The following GTF2E1 variants were observed in gnomAD, a reference collection of about 807,000 sequenced individuals.
The protein encoded by GTF2E1 is TFIIE alpha subunit.
GTF2E1 carries 14 observed loss-of-function variants against 34.9 expected under a neutral mutation model. The observed-to-expected ratio is 0.40, with a 90% CI of 0.27 to 0.63. GTF2E1 has a LOEUF of 0.63. GTF2E1 is among the 20% of genes least tolerant of loss of function. GTF2E1 has a pLI of 0.39. For missense variants in GTF2E1, 469 were observed against 557.7 expected (o/e 0.84, Z 1.60); for synonymous variants, 188 against 192.9 (o/e 0.97, Z 0.21).
chr3:120,767,726 GTAA>G (rs1287801853), intron 2 of GTF2E1, among the ~76,000 whole-genome samples: 1 of 152,138 alleles, frequency 6.6e-6, no homozygotes, highest in Non-Finnish European at 1.5e-5. Context: ...ACAGTTCTTA[GTAA>G]TAATGTTAAA....
Position 120,781,629 on chromosome 3 carries a change from G to GA in GTF2E1, c.*162dup. The stretch of plus-strand genomic sequence containing the variant: ...GGTAGAGAGTTTGACTTTTATGCCA[G>GA]AAACTTTCCCAGCAAGGTAGGGTGC... On this transcript the variant is annotated 3_prime_UTR_variant, in exon 5 of 5. Coordinates refer to ENST00000283875, the MANE Select transcript of GTF2E1 (RefSeq NM_005513.3). The GA allele has an allele frequency of 1.6e-6, 1 of 618,874 alleles. No individual in the cohort carries two copies. The allele number at this position is 618,874 out of a possible 1,614,324, so 38.3% of individuals were successfully genotyped here. A position where few individuals can be genotyped will look rare whatever the true frequency, so the allele number is the denominator to read the frequency against.
intron 4 of GTF2E1, among the ~76,000 whole-genome samples, chr3:120,777,756 C>T (rs749509370): frequency 1.4e-4 from 21 of 152,180 alleles, no homozygotes; most frequent in Non-Finnish European, 2.4e-4. Context: ...GACGGAGTCT[C>T]GCTCTGTTGC....
At chr3:120,757,061 AT>A (rs1709215925) in intron 2 of GTF2E1, among the ~76,000 whole-genome samples, 1 of 152,164 alleles carries the variant, frequency 6.6e-6, no homozygotes, top group Admixed American at 6.5e-5. Context: ...TTTTGATACA[AT>A]ATTCTATTCT....
chr3:120,770,348 C>T (rs1351184220), intron 2 of GTF2E1, among the ~76,000 whole-genome samples: 2 of 152,180 alleles, frequency 1.3e-5, no homozygotes, highest in South Asian at 2.1e-4. Flanking sequence ...TTCCCCATAA[C>T]GTAGGCCCAA....
intron 1 of GTF2E1, among the ~76,000 whole-genome samples, chr3:120,746,144 A>T (rs1709103247): frequency 6.6e-6 from 1 of 152,330 alleles, no homozygotes; most frequent in Non-Finnish European, 1.5e-5. Context: ...GGATATAAAA[A>T]TATTTCTTAT....
chr3:120,778,858 C>A (rs1709422762), intron 4 of GTF2E1, among the ~76,000 whole-genome samples: 1 of 152,150 alleles, frequency 6.6e-6, no homozygotes, highest in African/African-American at 2.4e-5. Flanking sequence ...GATTATTTTT[C>A]TGCAGGCTGA....
intron 2 of GTF2E1, among the ~76,000 whole-genome samples, chr3:120,760,048 A>G (rs1709246413): frequency 6.6e-6 from 1 of 152,114 alleles, no homozygotes. Flanking sequence ...CATTTTCACG[A>G]TATTGATTCT....
chr3:120,747,674 T>C (rs1709120161), intron 1 of GTF2E1, among the ~76,000 whole-genome samples: 1 of 152,220 alleles, frequency 6.6e-6, no homozygotes, highest in Admixed American at 6.5e-5. Flanking sequence ...TGGTTCCCAG[T>C]CTTTGCTATT....
chr3:120,757,622 G>A (rs901949093), intron 2 of GTF2E1, among the ~76,000 whole-genome samples: 1 of 152,120 alleles, frequency 6.6e-6, no homozygotes, highest in Non-Finnish European at 1.5e-5. Context: ...TTAAACTGAA[G>A]AAATTTGCTT....
chr3:120,748,978 GT>G (rs1709138009), intron 1 of GTF2E1, among the ~76,000 whole-genome samples: 1 of 152,212 alleles, frequency 6.6e-6, no homozygotes, highest in African/African-American at 2.4e-5. Context: ...TCCCTTGTAA[GT>G]TGGATTCCTA....
rs199578755 is a variant in GTF2E1 at position 120,773,519 on chromosome 3, A to T, written c.650+2590A>T. On this transcript the variant is annotated intron_variant, in intron 3 of 4. Transcript: ENST00000283875. ...AACTGTCAGTAGGCCTAACCCAAGA[A>T]TTGATGGACAATTCTATCCTTTCAG... 5.9e-5 allele frequency among the ~76,000 whole-genome samples: 9 copies of T among 152,288 alleles called. No homozygotes were observed. In the East Asian group the frequency reaches 1.7e-3, roughly 29 times the overall value.
In GTF2E1 at chr3:120,778,644, G is replaced by A. The variant is rs965987435; in HGVS notation, c.892+1980G>A. Among the ~76,000 whole-genome samples the A allele has an allele frequency of 3.9e-5, 6 of 152,166 alleles. No individual in the cohort carries two copies. In the South Asian group the frequency reaches 1.2e-3, roughly 32 times the overall value. On this transcript the variant is annotated intron_variant, in intron 4 of 4. Transcript: ENST00000283875. ...TTACTTGAGACATAGTGACCAGAAT[G>A]ATACATGTTGTTCATGCATGGATTC...
chr3:120,781,198 A>G lies in GTF2E1; in HGVS notation c.1048A>G (p.Asn350Asp). ...GGCAGCTGCTCCAGTGACCGCTGCC[A>G]ATGGCAGTGACTCAGAAAGCGAGAC... ...VGAAAPVTAA[N>D]GSDSESETSE... Residue 350 changes from asparagine to aspartate, a missense_variant, in exon 5 of 5, where the codon AAT becomes GAT. Coordinates refer to ENST00000283875, the MANE Select transcript of GTF2E1 (RefSeq NM_005513.3). 6.2e-7 allele frequency: 1 copy of G among 1,614,188 alleles called. No individual in the cohort carries two copies. Among genetic ancestry groups the G allele is most frequent in the Non-Finnish European group, 8.5e-7 (1 of 1,180,018 alleles).
intron 1 of GTF2E1, 55 bp from the exon 2 acceptor site, chr3:120,750,468 A>C: frequency 9.8e-7 from 1 of 1,015,506 alleles, no homozygotes; most frequent in Non-Finnish European, 1.5e-6. Context: ...AGGATAGTGG[A>C]TATGATTACC....
At chr3:120,776,161 A>G (rs1156686729) in intron 3 of GTF2E1, among the ~76,000 whole-genome samples, 2 of 152,242 alleles carry the variant, frequency 1.3e-5, no homozygotes, top group African/African-American at 2.4e-5. Flanking sequence ...TCTTAAATCT[A>G]TAAAACCTCA....
intron 2 of GTF2E1, among the ~76,000 whole-genome samples, chr3:120,766,929 C>T (rs933795627): frequency 2.6e-5 from 4 of 152,000 alleles, no homozygotes; most frequent in Admixed American, 6.6e-5. Flanking sequence ...TTTTACAATG[C>T]GTAGTGAAAT....
In GTF2E1 at chr3:120,782,525, A is replaced by G. The variant is rs759911268; in HGVS notation, c.*1055A>G. The G allele has an allele frequency of 2.0e-5, 3 of 152,242 alleles. No individual in the cohort carries two copies. The highest frequency in any genetic ancestry group is 4.4e-5 in the Non-Finnish European group (3 of 68,040). 9.4% of individuals were successfully genotyped at this position (152,242 alleles called of 1,614,324 possible). ...TGTGAAGGGTTGAAGAGTGACAAGC[A>G]TTGGTAACAGTGCCTTAGAACTGTG... On this transcript the variant is annotated 3_prime_UTR_variant, in exon 5 of 5. Coordinates refer to ENST00000283875, the MANE Select transcript of GTF2E1 (RefSeq NM_005513.3).
chr3:120,758,567 C>G (rs1709230213), intron 2 of GTF2E1, among the ~76,000 whole-genome samples: 1 of 122,976 alleles, frequency 8.1e-6, no homozygotes. Context: ...GCTAATCCCT[C>G]CCCCAGCCTC....
intron 4 of GTF2E1, 102 bp downstream of exon 4, chr3:120,776,766 A>T (rs768343738): frequency 7.9e-6 from 8 of 1,006,464 alleles, no homozygotes; most frequent in Non-Finnish European, 1.0e-5. Flanking sequence ...TGTTCTACAG[A>T]ACAATTAATT....
Sources: allele counts gnomAD v4.1 joint callset (sites outside exome capture counted in the v4.1 genomes callset), GRCh38; gene constraint gnomAD v4.1.1; transcripts MANE v1.5; gene names NCBI Gene and HGNC (gene_info 2026-07-23, HGNC 2026-07-21).